AFM: variants seen among roughly 807,000 people sequenced by gnomAD.
AFM encodes the protein alpha-Alb.
Under a neutral mutation model 68.7 loss-of-function variants are expected in AFM, and 82 were observed. The ratio of observed to expected loss-of-function variants is 1.19; its 90% confidence interval spans 1.00 to 1.43. The LOEUF (loss-of-function observed/expected upper bound fraction) is 1.43, where lower values mean the gene tolerates loss of function less well. Ranked by LOEUF, AFM falls within the 40% of genes most tolerant of loss-of-function variation. The probability of loss-of-function intolerance (pLI) is 0.00; values close to 1 mark genes in which losing one functional copy is unlikely to be tolerated. For synonymous variants in AFM, 250 were observed against 234.2 expected, an observed-to-expected ratio of 1.07 and a Z score of -0.61; for missense variants, 772 against 701.8, an observed-to-expected ratio of 1.10 and a Z score of -1.13.
rs572058598 is a variant in AFM, at chr4:73,492,773, C to A, written c.1058+687C>A. On this transcript the variant is annotated intron_variant, in intron 8 of 14. Coordinates refer to ENST00000226355, the MANE Select transcript of AFM (RefSeq NM_001133.2). ...ATCACGCACTGCACTCCAGCCTGGGCGACAGAGTGAGACTGTCTCAAAAAA... is the reference window on the plus strand; with the variant it reads ...ATCACGCACTGCACTCCAGCCTGGGAGACAGAGTGAGACTGTCTCAAAAAA... Among the ~76,000 whole-genome samples, 374 of 135,046 alleles carry A rather than the reference C, an allele frequency of 2.8e-3. 2 individuals carry two copies. The highest frequency in any genetic ancestry group is 0.01 in the African/African-American group (368 of 35,632). The allele number at this position is 135,046 out of a possible 152,430, so 88.6% of individuals were successfully genotyped here. A position where few individuals can be genotyped will look rare whatever the true frequency, so the allele number is the denominator to read the frequency against.
Position 73,484,750 on chromosome 4 carries a change from T to C in AFM, c.270+360T>C, listed in dbSNP as rs180941130. Reference sequence around the variant, plus strand: ...TGAGGTTTTGCCATGTTGACCAGCCTGGTCTCAAACTCCTGACCCCAAGTG... The same window carrying C: ...TGAGGTTTTGCCATGTTGACCAGCCCGGTCTCAAACTCCTGACCCCAAGTG... On this transcript the variant is annotated intron_variant, in intron 3 of 14. Transcript: ENST00000226355. Among the ~76,000 whole-genome samples the C allele has an allele frequency of 1.9e-3, 284 of 152,204 alleles. 1 individual carries two copies. The highest frequency in any genetic ancestry group is 6.7e-3 in the African/African-American group (279 of 41,544).
intron 9 of AFM, among the ~76,000 whole-genome samples, chr4:73,496,049 A>G (rs1721244483): frequency 6.6e-6 from 1 of 152,146 alleles, no homozygotes; most frequent in Non-Finnish European, 1.5e-5. Context: ...TTGTTGTTAT[A>G]AATTGTGCTT....
In AFM at chr4:73,481,838, C is replaced by T. The variant is rs769430447; in HGVS notation, c.63C>T (p.Thr21=). The T allele has an allele frequency of 1.8e-5, 29 of 1,607,700 alleles. No individual in the cohort carries two copies. The South Asian group carries it at 2.7e-4, about 15-fold the overall frequency. Residue 21 remains threonine, a synonymous_variant, in exon 1 of 15, where the codon ACC becomes ACT. Transcript: ENST00000226355. ...TGTTTTTTTTGACTGAATCCCTAACCCTGCCCACACAACCTCGGGATATAG... is the reference window on the plus strand; with the variant it reads ...TGTTTTTTTTGACTGAATCCCTAACTCTGCCCACACAACCTCGGGATATAG... ...FFLFFLTESL[T]LPTQPRDIEN...
chr4:73,495,920 T>A (rs1721240505), intron 9 of AFM, among the ~76,000 whole-genome samples: 1 of 152,232 alleles, frequency 6.6e-6, no homozygotes, highest in Admixed American at 6.5e-5. Flanking sequence ...AACATTTGTG[T>A]TCAACTCTTC....
At chr4:73,494,076 TG>T (rs202220521) in intron 8 of AFM, among the ~76,000 whole-genome samples, 3,377 of 151,842 alleles carry the variant, frequency 0.022, 36 homozygotes, top group South Asian at 0.037. Context: ...TGTGTGTGTG[TG>T]TGTGTGTGTG....
chr4:73,494,479 A>T (rs993593174), intron 8 of AFM, among the ~76,000 whole-genome samples: 2 of 152,130 alleles, frequency 1.3e-5, no homozygotes, highest in African/African-American at 2.4e-5. Flanking sequence ...TTCGCTTGGT[A>T]AAGAATGGAG....
intron 8 of AFM, 45 bp downstream of exon 8, chr4:73,492,131 C>CA: frequency 1.3e-6 from 2 of 1,538,930 alleles, no homozygotes; most frequent in Middle Eastern, 3.4e-4. Flanking sequence ...CAGAAAGAAA[C>CA]TTATAAGATT....
chr4:73,494,246 A>G (rs1721185915), intron 8 of AFM, among the ~76,000 whole-genome samples: 2 of 152,138 alleles, frequency 1.3e-5, no homozygotes, highest in Non-Finnish European at 2.9e-5. Flanking sequence ...ATGGTTTCAG[A>G]AAAACCAAGA....
chr4:73,495,519 T>TG, intron 9 of AFM, 87 bp downstream of exon 9: 1 of 1,526,674 alleles, frequency 6.6e-7, no homozygotes, highest in Non-Finnish European at 8.8e-7. Context: ...TGCTGCAGTC[T>TG]GGGGGTAGAA....
chr4:73,487,664 A>C, intron 5 of AFM, 60 bp from the exon 6 acceptor site: 1 of 1,178,508 alleles, frequency 8.5e-7, no homozygotes, highest in South Asian at 1.4e-5. Flanking sequence ...TATGACTAAA[A>C]AATAAGAGAA....
intron 14 of AFM, among the ~76,000 whole-genome samples, chr4:73,503,410 C>T (rs1721470896): frequency 6.6e-6 from 1 of 152,038 alleles, no homozygotes; most frequent in Non-Finnish European, 1.5e-5. Flanking sequence ...GTCTGGACCA[C>T]AAAGGAGGGA....
intron 8 of AFM, among the ~76,000 whole-genome samples, chr4:73,493,032 G>T (rs926577852): frequency 2.0e-4 from 30 of 152,110 alleles, no homozygotes; most frequent in African/African-American, 6.8e-4. Flanking sequence ...AGAAGAAATG[G>T]TCAGTTGTAT....
At chr4:73,486,183 G>A in intron 4 of AFM, 110 bp downstream of exon 4, 1 of 918,406 alleles carries the variant, frequency 1.1e-6, no homozygotes, top group South Asian at 1.7e-5. Flanking sequence ...TTGATTAATT[G>A]TTTCATTCAT....
rs4607187 is a variant in AFM, at chr4:73,492,874, T to G, written c.1058+788T>G. The stretch of plus-strand genomic sequence containing the variant: ...TAATCCAGGGACTTTACTGTTTTTT[T>G]TTTTGTTGTTGTTTGTTTTTTTTAT... On this transcript the variant is annotated intron_variant, in intron 8 of 14. Coordinates refer to ENST00000226355, the MANE Select transcript of AFM (RefSeq NM_001133.2). Among the ~76,000 whole-genome samples the G allele has an allele frequency of 0.011, 1,654 of 151,762 alleles. 86 individuals carry two copies. In the East Asian group the frequency reaches 0.12, roughly 11 times the overall value.
intron 7 of AFM, among the ~76,000 whole-genome samples, chr4:73,490,921 G>A (rs1577976067): frequency 6.6e-6 from 1 of 152,202 alleles, no homozygotes. Context: ...ACATGGTGCC[G>A]ATCCCCATTT....
At chr4:73,486,416 A>G (rs1051808840) in intron 4 of AFM, among the ~76,000 whole-genome samples, 2 of 152,232 alleles carry the variant, frequency 1.3e-5, no homozygotes, top group African/African-American at 4.8e-5. Flanking sequence ...TCAGGCAGAC[A>G]TTCAATTACA....
chr4:73,492,867 G>GT (rs1228681895), intron 8 of AFM, among the ~76,000 whole-genome samples: 4,832 of 140,320 alleles, frequency 0.034, 102 homozygotes, highest in South Asian at 0.07. Context: ...GGACTTTACT[G>GT]TTTTTTTTTT....
intron 3 of AFM, among the ~76,000 whole-genome samples, chr4:73,485,396 G>T (rs956025628): frequency 8.5e-5 from 13 of 152,158 alleles, no homozygotes; most frequent in African/African-American, 3.1e-4. Context: ...TGATTGTCAA[G>T]GGTTTGGGTA....
In AFM at chr4:73,501,659, G is replaced by C. The variant is rs1721426557; in HGVS notation, c.1647-128G>C. 3 of 936,554 alleles carry C rather than the reference G, an allele frequency of 3.2e-6. No homozygotes were observed. The East Asian group carries it at 8.0e-5, about 25-fold the overall frequency. The allele number at this position is 936,554 out of a possible 1,614,324, so 58.0% of individuals were successfully genotyped here. On this transcript the variant is annotated intron_variant, in intron 12 of 14. Transcript: ENST00000226355. ...AGTTTCAGAAGACCCATTCAAAGTG[G>C]TATATTTCAACTCTTTACCCACACC... is the stretch of plus-strand genomic sequence containing the variant.
Sources: gnomAD v4.1 joint callset for allele counts (sites outside exome capture counted in the v4.1 genomes callset) on GRCh38, gnomAD v4.1.1 for gene constraint, MANE v1.5 for transcripts, NCBI Gene and HGNC (gene_info 2026-07-23, HGNC 2026-07-21) for gene names.